BICRA: variants seen among roughly 807,000 people sequenced by gnomAD.
BICRA encodes BRD4 interacting chromatin remodeling complex associated protein.
In BICRA, 31 loss-of-function variants were observed where a neutral mutation model predicts 96.9. The observed-to-expected ratio is 0.32, with a 90% CI of 0.24 to 0.43. The LOEUF is 0.43. BICRA is among the 20% of genes least tolerant of loss of function. The pLI, the probability that BICRA is intolerant of heterozygous loss-of-function variation, is 1.00. For missense variants in BICRA, 2,283 were observed against 2,190.3 expected (o/e 1.04, Z -0.84); for synonymous variants, 1,350 against 1,071.8 (o/e 1.26, Z -5.07).
At chr19:47,611,407 T>TA (rs1555783328) in intron 1 of BICRA, among the ~76,000 whole-genome samples, 2 of 150,438 alleles carry the variant, frequency 1.3e-5, no homozygotes, top group Non-Finnish European at 3.0e-5. Context: ...GTGTGAGGAG[T>TA]GGGGGAGGGG....
intron 1 of BICRA, among the ~76,000 whole-genome samples, chr19:47,624,117 C>T (rs916600845): frequency 4.6e-5 from 7 of 152,156 alleles, no homozygotes; most frequent in African/African-American, 1.4e-4. Context: ...TCCCAAAGTG[C>T]TGGGATTACA....
At chr19:47,646,521 A>G (rs1227021552) in intron 1 of BICRA, among the ~76,000 whole-genome samples, 1 of 152,158 alleles carries the variant, frequency 6.6e-6, no homozygotes, top group Admixed American at 6.6e-5. Flanking sequence ...TTTGAGCCTT[A>G]GCCCGGGGAT....
In BICRA at chr19:47,683,113, T is replaced by G. The variant is rs553714122; in HGVS notation, c.2283+961T>G. ...TATGAACAAGGCTGCAAAGAATGCC[T>G]TTGTATGTATGTCGTTTTGTAGGGT... On this transcript the variant is annotated intron_variant, in intron 7 of 14. Coordinates refer to ENST00000594866, the MANE Select transcript of BICRA (RefSeq NM_001394372.1). 2.6e-5 allele frequency among the ~76,000 whole-genome samples: 4 copies of G among 152,328 alleles called. No individual in the cohort carries two copies. The East Asian group carries it at 5.8e-4, about 22-fold the overall frequency.
At chr19:47,616,370 C>T (rs1971984455) in intron 1 of BICRA, among the ~76,000 whole-genome samples, 1 of 152,204 alleles carries the variant, frequency 6.6e-6, no homozygotes, top group Non-Finnish European at 1.5e-5. Flanking sequence ...GCATTGGTGG[C>T]TCATGCCTGT....
In BICRA at chr19:47,680,763, C is replaced by T. The variant is rs761562412; in HGVS notation, c.1593C>T (p.Ala531=). Residue 531 remains alanine, a synonymous_variant, in exon 6 of 15, where the codon GCC becomes GCT. Coordinates refer to ENST00000594866, the MANE Select transcript of BICRA (RefSeq NM_001394372.1). The part of the protein sequence containing the change: ...AGPLSLGPVL[A]PHSGAHSAHI... ...CACTGAGCCTGGGCCCCGTGTTGGCCCCCCACTCCGGGGCCCACAGCGCGC... is the reference window on the plus strand; with the variant it reads ...CACTGAGCCTGGGCCCCGTGTTGGCTCCCCACTCCGGGGCCCACAGCGCGC... 1.9e-6 allele frequency: 3 copies of T among 1,609,808 alleles called. No homozygotes were observed. Among genetic ancestry groups the T allele is most frequent in the East Asian group, 4.5e-5 (2 of 44,762 alleles).
At chr19:47,609,484 C>CA (rs1281794438) in intron 1 of BICRA, among the ~76,000 whole-genome samples, 125 of 151,140 alleles carry the variant, frequency 8.3e-4, no homozygotes, top group South Asian at 2.1e-4. Flanking sequence ...GGGACCCCCC[C>CA]CCAACCGGCT....
In BICRA at chr19:47,702,369, C is replaced by G. The variant is rs1347330971; in HGVS notation, c.4637C>G (p.Pro1546Arg). ...CTGCACAGGCCCGAGGCCTACCCAC[C>G]CTCCAGTCACAACGGTGGCCTCGGC... is the stretch of plus-strand genomic sequence containing the variant. Reference protein sequence around the residue: ...PPLHRPEAYPPSSHNGGLGAR... With the variant: ...PPLHRPEAYPRSSHNGGLGAR... Residue 1546 changes from proline (P) to arginine (R), a missense_variant, in exon 15 of 15, where the codon CCC becomes CGC. Transcript: ENST00000594866. 5 of 1,526,146 alleles carry G rather than the reference C, an allele frequency of 3.3e-6. No individual in the cohort carries two copies. Among genetic ancestry groups the G allele is most frequent in the Non-Finnish European group, 4.4e-6 (5 of 1,148,118 alleles). 94.5% of individuals were successfully genotyped at this position (1,526,146 alleles called of 1,614,324 possible).
Position 47,699,465 on chromosome 19 carries a change from A to T in BICRA, c.3595+60A>T. 2.0e-6 allele frequency: 2 copies of T among 981,160 alleles called. No homozygotes were observed. The highest frequency in any genetic ancestry group is 3.2e-6 in the Non-Finnish European group (2 of 628,610). 60.8% of individuals were successfully genotyped at this position (981,160 alleles called of 1,614,324 possible). A position where few individuals can be genotyped will look rare whatever the true frequency, so the allele number is the denominator to read the frequency against. ...AGGTGCCCCCACCCCACCTGGGCAG[A>T]AGAGTTAGATTCAGGGCGGGGAGTG... On this transcript the variant is annotated intron_variant, in intron 14 of 14. Coordinates refer to ENST00000594866, the MANE Select transcript of BICRA (RefSeq NM_001394372.1). The surrounding 1 kb of genome is among the most constrained non-coding windows in gnomAD (Gnocchi z 5.0).
chr19:47,667,171 C>A (rs369235992), intron 1 of BICRA, among the ~76,000 whole-genome samples: 91 of 152,154 alleles, frequency 6.0e-4, no homozygotes, highest in Admixed American at 1.4e-3. Flanking sequence ...GGCGCCCACC[C>A]CCACGCCGGG....
chr19:47,622,507 G>A lies in BICRA; in HGVS notation c.-108+13339G>A, dbSNP rs1192148588. Among the ~76,000 whole-genome samples, 7 of 149,986 alleles carry A rather than the reference G, an allele frequency of 4.7e-5. No individual in the cohort carries two copies. In the East Asian group the frequency reaches 6.1e-4, roughly 13 times the overall value. On this transcript the variant is annotated intron_variant, in intron 1 of 14. Coordinates refer to ENST00000594866, the MANE Select transcript of BICRA (RefSeq NM_001394372.1). ...TGGGAGGCTGAGGCGGGCAGATCACGAGGTCAGGAGATCGAGACCATCCTG... is the reference window on the plus strand; with the variant it reads ...TGGGAGGCTGAGGCGGGCAGATCACAAGGTCAGGAGATCGAGACCATCCTG...
At chr19:47,648,821 G>C (rs986332193) in intron 1 of BICRA, among the ~76,000 whole-genome samples, 5 of 151,708 alleles carry the variant, frequency 3.3e-5, no homozygotes, top group African/African-American at 9.7e-5. Context: ...TGAGTAGCTG[G>C]GACTACAGGC....
chr19:47,698,639 T>C lies in BICRA; in HGVS notation c.3254T>C (p.Leu1085Pro). Residue 1085 changes from leucine to proline, a missense_variant, in exon 12 of 15, where the codon CTG (leucine) becomes CCG (proline). Transcript: ENST00000594866. This position sits in a 1 kb window ranked among gnomAD's most constrained non-coding sequence, Gnocchi z 4.8. ...TCTCCCCTTTCCACCCGCAGTTTCCTGGAGCATTTGCACAAACACCAGGGC... is the reference window on the plus strand; with the variant it reads ...TCTCCCCTTTCCACCCGCAGTTTCCCGGAGCATTTGCACAAACACCAGGGC... ...TLQPSKEACF[L>P]EHLHKHQGSV... The C allele has an allele frequency of 7.7e-7, 1 of 1,293,662 alleles. No homozygotes were observed. Among genetic ancestry groups the C allele is most frequent in the Non-Finnish European group, 1.1e-6 (1 of 942,518 alleles). The allele number at this position is 1,293,662 out of a possible 1,614,324, so 80.1% of individuals were successfully genotyped here.
At chr19:47,640,347 T>G (rs949650854) in intron 1 of BICRA, among the ~76,000 whole-genome samples, 2 of 151,756 alleles carry the variant, frequency 1.3e-5, no homozygotes, top group Admixed American at 1.3e-4. Flanking sequence ...GCCTGGCCAA[T>G]GTGGCAAAAA....
chr19:47,659,525 A>T (rs887820928), intron 1 of BICRA, among the ~76,000 whole-genome samples: 1 of 152,042 alleles, frequency 6.6e-6, no homozygotes, highest in African/African-American at 2.4e-5. Context: ...TGTCCTTTGT[A>T]TGAATTGGGA....
chr19:47,638,390 A>T (rs921577465), intron 1 of BICRA, among the ~76,000 whole-genome samples: 3 of 152,066 alleles, frequency 2.0e-5, no homozygotes, highest in South Asian at 2.1e-4. Context: ...CATTTATTTG[A>T]TTTTTTTGGA....
At chr19:47,624,479 C>A (rs1333361446) in intron 1 of BICRA, among the ~76,000 whole-genome samples, 1 of 150,310 alleles carries the variant, frequency 6.7e-6, no homozygotes, top group Non-Finnish European at 1.5e-5. Flanking sequence ...GCAATAACAT[C>A]ATGTCTAAAA....
chr19:47,698,547 G>T lies in BICRA; in HGVS notation c.3249-87G>T. On this transcript the variant is annotated intron_variant, in intron 11 of 14. Transcript: ENST00000594866. The surrounding 1 kb of genome is among the most constrained non-coding windows in gnomAD (Gnocchi z 4.8). ...CCGCTGTTGTGTTCAGTTGCGGCCT[G>T]GGGCTGAGGGTTCAGGGACTTCCCC... 1 of 708,220 alleles carries T rather than the reference G, an allele frequency of 1.4e-6. No homozygotes were observed. The allele number at this position is 708,220 out of a possible 1,614,324, so 43.9% of individuals were successfully genotyped here.
rs375509450 is a variant in BICRA at position 47,673,697 on chromosome 19, C to T, written c.42-23C>T. The T allele has an allele frequency of 8.7e-6, 14 of 1,609,178 alleles. No homozygotes were observed. In the East Asian group the frequency reaches 8.9e-5, roughly 10 times the overall value. ...CCTCCCCAGCTCCTTACCTCCTCAGCGTCTCTTCCTCTTCTCTTCCAGTGA... is the reference window on the plus strand; with the variant it reads ...CCTCCCCAGCTCCTTACCTCCTCAGTGTCTCTTCCTCTTCTCTTCCAGTGA... On this transcript the variant is annotated intron_variant, in intron 3 of 14. Coordinates refer to ENST00000594866, the MANE Select transcript of BICRA (RefSeq NM_001394372.1).
chr19:47,632,143 T>C (rs1030378068), intron 1 of BICRA, among the ~76,000 whole-genome samples: 1 of 152,176 alleles, frequency 6.6e-6, no homozygotes, highest in Non-Finnish European at 1.5e-5. Context: ...CATTTTTATA[T>C]CCATACCTTG....
Sources: gnomAD v4.1 joint callset for allele counts (sites outside exome capture counted in the v4.1 genomes callset) on GRCh38, gnomAD v4.1.1 for gene constraint, Gnocchi (gnomAD v3.1) non-coding constraint, MANE v1.5 for transcripts, NCBI Gene and HGNC (gene_info 2026-07-23, HGNC 2026-07-21) for gene names.